Variants in CUX2 observed in about 807,000 individuals in gnomAD.
The protein encoded by CUX2 is homeobox protein cut-like 2.
In CUX2, 40 loss-of-function variants were observed where a neutral mutation model predicts 144.8. The observed-to-expected ratio is 0.28, with a 90% CI of 0.21 to 0.36. The LOEUF is 0.36. CUX2 is among the 10% of genes least tolerant of loss of function. CUX2 has a pLI of 1.00. For synonymous variants in CUX2, 827 were observed against 875.6 expected, an observed-to-expected ratio of 0.94 and a Z score of 0.98; for missense variants, 1,615 against 1,994.0, an observed-to-expected ratio of 0.81 and a Z score of 3.62.
intron 1 of CUX2, among the ~76,000 whole-genome samples, chr12:111,123,173 G>A (rs1025255626): frequency 2.0e-5 from 3 of 152,112 alleles, no homozygotes; most frequent in Non-Finnish European, 4.4e-5. Flanking sequence ...TGCTTACCCG[G>A]CATATAGTTT....
At chr12:111,316,363 C>T (rs574428996) in intron 16 of CUX2, among the ~76,000 whole-genome samples, 158 of 143,184 alleles carry the variant, frequency 1.1e-3, no homozygotes, top group African/African-American at 4.0e-3. Flanking sequence ...TCAGGCTGGT[C>T]TCAATCTCCT....
chr12:111,160,592 C>G lies in CUX2; in HGVS notation c.64-53608C>G, dbSNP rs1032948695. On this transcript the variant is annotated intron_variant, in intron 1 of 21. Coordinates refer to ENST00000261726, the MANE Select transcript of CUX2 (RefSeq NM_015267.4). The surrounding 1 kb of genome is among the most constrained non-coding windows in gnomAD (Gnocchi z 4.1). ...CAGGGTGGCACTTGGCTGTGGAGGT[C>G]TCCTTGGCCACACGAAGGGGCCTGG... Among the ~76,000 whole-genome samples, 1 of 152,134 alleles carries G rather than the reference C, an allele frequency of 6.6e-6. No homozygotes were observed. Among genetic ancestry groups the G allele is most frequent in the Admixed American group, 6.5e-5 (1 of 15,284 alleles).
At chr12:111,202,007 G>T (rs1328555633) in intron 1 of CUX2, among the ~76,000 whole-genome samples, 1 of 152,206 alleles carries the variant, frequency 6.6e-6, no homozygotes, top group African/African-American at 2.4e-5. Flanking sequence ...AGTGGGCCAA[G>T]GCGTTAAAAG....
At chr12:111,285,679 C>T (rs1014359115) in intron 4 of CUX2, among the ~76,000 whole-genome samples, 2 of 152,230 alleles carry the variant, frequency 1.3e-5, no homozygotes, top group Non-Finnish European at 2.9e-5. Context: ...GGGGAAATGA[C>T]TTCACCCCAG....
chr12:111,266,860 T>A (rs1884413722), intron 4 of CUX2, among the ~76,000 whole-genome samples: 1 of 152,168 alleles, frequency 6.6e-6, no homozygotes, highest in South Asian at 2.1e-4. Context: ...AAGTGTGGTC[T>A]GTGGACCAGA....
chr12:111,063,315 AAAC>A (rs1870867529), intron 1 of CUX2, among the ~76,000 whole-genome samples: 1 of 152,210 alleles, frequency 6.6e-6, no homozygotes, highest in Admixed American at 6.5e-5. Context: ...GATCCAAAAA[AAAC>A]AACAGCAAGC....
chr12:111,296,829 G>A (rs1886026557), intron 8 of CUX2, among the ~76,000 whole-genome samples: 1 of 86,736 alleles, frequency 1.2e-5, no homozygotes, highest in Non-Finnish European at 2.3e-5. Flanking sequence ...TCCTCCCTCT[G>A]ACCCTCCAGT....
chr12:111,319,394 C>T (rs1267485824), intron 16 of CUX2, among the ~76,000 whole-genome samples: 2 of 152,114 alleles, frequency 1.3e-5, no homozygotes, highest in East Asian at 1.9e-4. Context: ...TCTGTGCCTT[C>T]GTGTTTTCTT....
Position 111,322,353 on chromosome 12 carries a change from A to T in CUX2, c.2767-68A>T. The T allele has an allele frequency of 1.8e-4, 135 of 734,664 alleles. No homozygotes were observed. The highest frequency in any genetic ancestry group is 4.4e-4 in the Middle Eastern group (1 of 2,276). 45.5% of individuals were successfully genotyped at this position (734,664 alleles called of 1,614,324 possible). A position where few individuals can be genotyped will look rare whatever the true frequency, so the allele number is the denominator to read the frequency against. ...AAAAAAAAAAAAAAAAAGGTTGGGGAGGAGAGTGAGGGCCAGGCCCATGTC... is the reference window on the plus strand; with the variant it reads ...AAAAAAAAAAAAAAAAAGGTTGGGGTGGAGAGTGAGGGCCAGGCCCATGTC... On this transcript the variant is annotated intron_variant, in intron 17 of 21. Coordinates refer to ENST00000261726, the MANE Select transcript of CUX2 (RefSeq NM_015267.4). This position sits in a 1 kb window ranked among gnomAD's most constrained non-coding sequence, Gnocchi z 4.2.
intron 3 of CUX2, among the ~76,000 whole-genome samples, chr12:111,251,586 C>T (rs952758915): frequency 2.0e-5 from 3 of 152,172 alleles, no homozygotes; most frequent in Admixed American, 2.0e-4. Context: ...CTCCGGGAGC[C>T]TGACATAAAT....
intron 1 of CUX2, among the ~76,000 whole-genome samples, chr12:111,051,093 G>A: frequency 6.6e-6 from 1 of 152,170 alleles, no homozygotes; most frequent in Admixed American, 6.5e-5. Context: ...AATATTACAT[G>A]TATCTCATAA....
chr12:111,113,759 G>A (rs909768835), intron 1 of CUX2, among the ~76,000 whole-genome samples: 1 of 152,148 alleles, frequency 6.6e-6, no homozygotes, highest in Non-Finnish European at 1.5e-5. Context: ...TTCAAACCAT[G>A]TTGGCCAGGC....
At chr12:111,328,970 T>TCTCTCC (rs1887955240) in intron 18 of CUX2, among the ~76,000 whole-genome samples, 1 of 97,324 alleles carries the variant, frequency 1.0e-5, no homozygotes, top group Non-Finnish European at 1.9e-5. Context: ...TCTCTCTCTC[T>TCTCTCC]CTCTCCCCCT....
In CUX2 at chr12:111,347,640, A is replaced by G; in HGVS notation, c.3776A>G (p.Gln1259Arg). Residue 1259 changes from glutamine (Q) to arginine (R), a missense_variant, in exon 22 of 22, where the codon CAG becomes CGG. This residue lies in a region of CUX2 where 298 missense variants were observed against 330.4 expected (regional missense o/e 0.90). Coordinates refer to ENST00000261726, the MANE Select transcript of CUX2 (RefSeq NM_015267.4). ...PGHSHPDPTPQSPDSETEDQK... is the reference protein window; with the variant it reads ...PGHSHPDPTPRSPDSETEDQK... Reference sequence around the variant, plus strand: ...CACTCCCACCCAGACCCCACCCCGCAGAGCCCTGACTCTGAGACTGAGGAC... The same window carrying G: ...CACTCCCACCCAGACCCCACCCCGCGGAGCCCTGACTCTGAGACTGAGGAC... 1.2e-6 allele frequency: 1 copy of G among 810,462 alleles called. No individual in the cohort carries two copies. 50.2% of individuals were successfully genotyped at this position (810,462 alleles called of 1,614,324 possible). A position where few individuals can be genotyped will look rare whatever the true frequency, so the allele number is the denominator to read the frequency against.
chr12:111,250,897 A>G (rs1485501448), intron 3 of CUX2, among the ~76,000 whole-genome samples: 1 of 152,178 alleles, frequency 6.6e-6, no homozygotes, highest in Non-Finnish European at 1.5e-5. Flanking sequence ...TGTACTGGCC[A>G]CACCCCAGGC....
intron 1 of CUX2, among the ~76,000 whole-genome samples, chr12:111,050,130 T>A (rs978227529): frequency 6.6e-6 from 1 of 152,154 alleles, no homozygotes; most frequent in Non-Finnish European, 1.5e-5. Flanking sequence ...TCTCCATTTC[T>A]GTATCTCCCA....
chr12:111,195,171 A>T (rs1460126610), intron 1 of CUX2, among the ~76,000 whole-genome samples: 2 of 152,208 alleles, frequency 1.3e-5, no homozygotes, highest in African/African-American at 4.8e-5. Context: ...GAAGCTGTTC[A>T]AAAAAGAGCA....
At chr12:111,159,181 C>G (rs1185502448) in intron 1 of CUX2, among the ~76,000 whole-genome samples, 1 of 152,186 alleles carries the variant, frequency 6.6e-6, no homozygotes, top group African/African-American at 2.4e-5. Context: ...GGGTCTTGCT[C>G]TGTTACCCAG....
intron 1 of CUX2, among the ~76,000 whole-genome samples, chr12:111,086,018 C>T (rs546662920): frequency 6.6e-6 from 1 of 152,312 alleles, no homozygotes; most frequent in South Asian, 2.1e-4. Flanking sequence ...GCTAGAGGCT[C>T]CTACCTTGTG....
Sources: gnomAD v4.1 joint callset for allele counts (sites outside exome capture counted in the v4.1 genomes callset) on GRCh38, gnomAD v4.1.1 for gene constraint, gnomAD v4.1.1 regional missense constraint, Gnocchi (gnomAD v3.1) non-coding constraint, MANE v1.5 for transcripts, NCBI Gene and HGNC (gene_info 2026-07-23, HGNC 2026-07-21) for gene names.